TRAPPC9: variants seen among roughly 807,000 people sequenced by gnomAD.
TRAPPC9 encodes the protein IKK2 binding protein.
In TRAPPC9, 83 loss-of-function variants were observed where a neutral mutation model predicts 124.0. The observed-to-expected ratio is 0.67, with a 90% CI of 0.56 to 0.80. TRAPPC9 has a LOEUF of 0.80. Ranked by LOEUF, TRAPPC9 falls within the 30% of genes least tolerant of loss-of-function variation. The pLI, the probability that TRAPPC9 is intolerant of heterozygous loss-of-function variation, is 0.00. For missense variants in TRAPPC9, 1,302 were observed against 1,508.3 expected (o/e 0.86, Z 2.27); for synonymous variants, 638 against 617.5 (o/e 1.03, Z -0.49).
intron 14 of TRAPPC9, among the ~76,000 whole-genome samples, chr8:140,281,889 T>C (rs1371696547): frequency 2.0e-5 from 3 of 152,326 alleles, no homozygotes; most frequent in Non-Finnish European, 4.4e-5. Context: ...ATCGAGCCTG[T>C]TGTCGCCTCC....
intron 12 of TRAPPC9, among the ~76,000 whole-genome samples, chr8:140,290,421 G>C (rs1408369674): frequency 6.6e-6 from 1 of 152,220 alleles, no homozygotes; most frequent in Non-Finnish European, 1.5e-5. Context: ...TAGAGCGCCA[G>C]TACTAATCTC....
chr8:139,831,671 C>T (rs1826004184), intron 21 of TRAPPC9, among the ~76,000 whole-genome samples: 2 of 152,234 alleles, frequency 1.3e-5, no homozygotes, highest in Non-Finnish European at 2.9e-5. Flanking sequence ...GTCATCCACC[C>T]CACCCCTCAC....
chr8:140,115,655 C>T (rs968832624), intron 17 of TRAPPC9, among the ~76,000 whole-genome samples: 2 of 152,036 alleles, frequency 1.3e-5, no homozygotes, highest in Non-Finnish European at 2.9e-5. Flanking sequence ...GTGGAACCGG[C>T]AGATGCAGTA....
chr8:140,168,327 A>AAT (rs1368728469), intron 17 of TRAPPC9, among the ~76,000 whole-genome samples: 1 of 152,010 alleles, frequency 6.6e-6, no homozygotes, highest in East Asian at 1.9e-4. Flanking sequence ...GTGCATTCAC[A>AAT]ATGTTATGCA....
intron 16 of TRAPPC9, among the ~76,000 whole-genome samples, chr8:140,230,146 G>T (rs147183349): frequency 6.6e-6 from 1 of 152,174 alleles, no homozygotes; most frequent in Non-Finnish European, 1.5e-5. Flanking sequence ...AAGAGCCAAC[G>T]TCCAACCAAG....
intron 21 of TRAPPC9, among the ~76,000 whole-genome samples, chr8:139,847,741 C>T (rs991252856): frequency 6.6e-6 from 1 of 151,276 alleles, no homozygotes; most frequent in Non-Finnish European, 1.5e-5. Flanking sequence ...GTGGCCCAGC[C>T]TGCAGATGGG....
chr8:139,747,848 G>C (rs1819028913), intron 21 of TRAPPC9, among the ~76,000 whole-genome samples: 1 of 64,854 alleles, frequency 1.5e-5, no homozygotes, highest in East Asian at 5.2e-4. Flanking sequence ...GTGGGGAGGT[G>C]TGCAGGGATC....
chr8:140,024,038 C>CG lies in TRAPPC9; in HGVS notation c.2597dup (p.His868ProfsTer3). The CG allele has an allele frequency of 6.2e-7, 1 of 1,613,950 alleles. No individual in the cohort carries two copies. Among genetic ancestry groups the CG allele is most frequent in the Non-Finnish European group, 8.5e-7 (1 of 1,180,002 alleles). On this transcript the variant is annotated frameshift_variant, in exon 18 of 23. Transcript: ENST00000438773. LOFTEE classifies it high-confidence loss of function. ...TCCTGTAATATCCTTCAGTGTGGCC[C>CG]GGGCCTCCAGAGTATTTGAAATTCA...
intron 19 of TRAPPC9, among the ~76,000 whole-genome samples, chr8:139,945,341 G>C (rs1834140739): frequency 1.3e-5 from 2 of 151,824 alleles, no homozygotes. Flanking sequence ...AAGACAAAGA[G>C]TATCAAAGAC....
intron 17 of TRAPPC9, among the ~76,000 whole-genome samples, chr8:140,068,143 C>T (rs1204813331): frequency 6.6e-6 from 1 of 152,098 alleles, no homozygotes. Context: ...AGGATTATGA[C>T]GGATTCACCC....
At chr8:139,845,232 C>T (rs552483102) in intron 21 of TRAPPC9, among the ~76,000 whole-genome samples, 1 of 152,252 alleles carries the variant, frequency 6.6e-6, no homozygotes, top group East Asian at 1.9e-4. Flanking sequence ...GCTAATGCCA[C>T]CAAGCATTGT....
chr8:140,010,837 A>G (rs1839069147), intron 18 of TRAPPC9, among the ~76,000 whole-genome samples: 1 of 152,210 alleles, frequency 6.6e-6, no homozygotes. Flanking sequence ...AGAATGTCCA[A>G]TGCAAAACTG....
At chr8:140,146,743 T>C (rs1381152776) in intron 17 of TRAPPC9, among the ~76,000 whole-genome samples, 1 of 152,056 alleles carries the variant, frequency 6.6e-6, no homozygotes, top group Non-Finnish European at 1.5e-5. Context: ...ATAATGAATG[T>C]AACTCATAAG....
intron 1 of TRAPPC9, among the ~76,000 whole-genome samples, chr8:140,452,137 G>C (rs1303111951): frequency 8.1e-6 from 1 of 124,202 alleles, no homozygotes; most frequent in Non-Finnish European, 1.7e-5. Context: ...AAAAAAAAAA[G>C]AGGCGGGGCG....
At position 140,451,194 on chromosome 8, in the gene TRAPPC9, G is replaced by C; in HGVS notation, c.180C>G (p.His60Gln). The change falls in exon 2 of 23, where the codon CAC (histidine) becomes CAG (glutamine). Residue 60 changes from histidine to glutamine, a missense_variant. Physicochemically the swap from His to Gln is conservative, Grantham distance 24. Coordinates refer to ENST00000438773, the MANE Select transcript of TRAPPC9 (RefSeq NM_001160372.4). ...CCCACTCGTTGTTCTCGGGTGGGTA[G>C]TGGTGCCTGTAGCGGATGTAGAGGA... The part of the protein sequence containing the change: ...QRVLYIRYRH[H>Q]YPPENNEWGD... 6.2e-7 allele frequency: 1 copy of C among 1,614,192 alleles called. No individual in the cohort carries two copies. Among genetic ancestry groups the C allele is most frequent in the South Asian group, 1.1e-5 (1 of 91,088 alleles).
At chr8:139,976,227 A>G (rs1176438319) in intron 19 of TRAPPC9, among the ~76,000 whole-genome samples, 3 of 152,068 alleles carry the variant, frequency 2.0e-5, no homozygotes, top group African/African-American at 7.2e-5. Context: ...GAATAACTGG[A>G]TATCCATATG....
At position 140,390,069 on chromosome 8, in the gene TRAPPC9, C is replaced by G. The variant is rs1394832657; in HGVS notation, c.1134+7551G>C. Reference sequence around the variant, plus strand: ...CTGTAATCCCAGCACTTTGGGAGGCCGAGGCAGGTGGATCATTTGAAGTCA... The same window carrying G: ...CTGTAATCCCAGCACTTTGGGAGGCGGAGGCAGGTGGATCATTTGAAGTCA... On this transcript the variant is annotated intron_variant, in intron 7 of 22. Coordinates refer to ENST00000438773, the MANE Select transcript of TRAPPC9 (RefSeq NM_001160372.4). 3.9e-5 allele frequency among the ~76,000 whole-genome samples: 6 copies of G among 152,138 alleles called. No individual in the cohort carries two copies. In the East Asian group the frequency reaches 1.2e-3, roughly 29 times the overall value.
At chr8:140,258,118 T>C (rs2064312291) in intron 15 of TRAPPC9, among the ~76,000 whole-genome samples, 1 of 152,332 alleles carries the variant, frequency 6.6e-6, no homozygotes. Flanking sequence ...AAGTATGTCA[T>C]GACCAGGTCA....
In TRAPPC9 at chr8:140,237,009, C is replaced by T. The variant is rs533208803; in HGVS notation, c.2432-15426G>A. Reference sequence around the variant, plus strand: ...CAGCCTGGCCAACATGGTGAAACCCCGCCTCTATTAAAAATAAAAAAATTA... The same window carrying T: ...CAGCCTGGCCAACATGGTGAAACCCTGCCTCTATTAAAAATAAAAAAATTA... On this transcript the variant is annotated intron_variant, in intron 16 of 22. Transcript: ENST00000438773. 1.1e-3 allele frequency among the ~76,000 whole-genome samples: 172 copies of T among 151,966 alleles called. 1 individual carries two copies. Among genetic ancestry groups the T allele is most frequent in the Non-Finnish European group, 1.7e-3 (117 of 67,976 alleles).
Sources: gnomAD v4.1 joint callset for allele counts (sites outside exome capture counted in the v4.1 genomes callset) on GRCh38, gnomAD v4.1.1 for gene constraint, MANE v1.5 for transcripts, NCBI Gene and HGNC (gene_info 2026-07-23, HGNC 2026-07-21) for gene names.